The following CACNA2D3 variants were observed in gnomAD, a reference collection of about 807,000 sequenced individuals.
CACNA2D3 encodes the protein voltage-dependent calcium channel subunit alpha-2/delta-3.
In CACNA2D3, 60 loss-of-function variants were observed where a neutral mutation model predicts 160.6. That is an observed-to-expected ratio of 0.37 (90% CI 0.30 to 0.46). CACNA2D3 has a LOEUF of 0.46. Ranked by LOEUF, CACNA2D3 falls within the 20% of genes least tolerant of loss-of-function variation. The pLI is 1.00. For missense variants in CACNA2D3, 1,205 were observed against 1,365.0 expected (o/e 0.88, Z 1.85); for synonymous variants, 558 against 492.9 (o/e 1.13, Z -1.75).
chr3:54,982,609 A>G (rs1014221691), intron 29 of CACNA2D3, among the ~76,000 whole-genome samples: 30 of 152,174 alleles, frequency 2.0e-4, no homozygotes, highest in Admixed American at 1.3e-4. Context: ...AATTCAGGGC[A>G]AGTTTATAAA....
chr3:54,928,624 G>A (rs1009957086), intron 27 of CACNA2D3, among the ~76,000 whole-genome samples: 3 of 152,132 alleles, frequency 2.0e-5, no homozygotes, highest in African/African-American at 7.2e-5. Context: ...GTTTCCTTTA[G>A]TGGACATCAC....
chr3:54,509,089 C>T (rs1701416608), intron 5 of CACNA2D3, among the ~76,000 whole-genome samples: 1 of 152,106 alleles, frequency 6.6e-6, no homozygotes. Context: ...ATGCATTTTG[C>T]CAGGCACTTT....
At chr3:54,480,720 A>G (rs985167784) in intron 4 of CACNA2D3, among the ~76,000 whole-genome samples, 1 of 152,062 alleles carries the variant, frequency 6.6e-6, no homozygotes, top group African/African-American at 2.4e-5. Flanking sequence ...TTTTGGTGGA[A>G]AACATGGGCT....
Position 54,896,853 on chromosome 3 carries a change from C to T in CACNA2D3, c.2351C>T (p.Ser784Leu), listed in dbSNP as rs751135855. The change falls in exon 26 of 38, where the codon TCG becomes TTG. Residue 784 changes from serine to leucine, a missense_variant. Ser to Leu is a moderately radical substitution (Grantham distance 145). This residue lies in a region of CACNA2D3 where 911 missense variants were observed against 1,002.2 expected (regional missense o/e 0.91). Transcript: ENST00000474759. ...CAGATTCCAGGGAGCTTCGTCTACTCGATCCCATTCAGCACTGGTGGGTGC... is the reference window on the plus strand; with the variant it reads ...CAGATTCCAGGGAGCTTCGTCTACTTGATCCCATTCAGCACTGGTGGGTGC... ...AEQIPGSFVY[S>L]IPFSTGPVNK... 7.4e-6 allele frequency: 12 copies of T among 1,613,880 alleles called. No individual in the cohort carries two copies. Among genetic ancestry groups the T allele is most frequent in the African/African-American group, 2.7e-5 (2 of 74,932 alleles).
chr3:54,740,254 A>C (rs769531446), intron 11 of CACNA2D3, among the ~76,000 whole-genome samples: 1 of 152,138 alleles, frequency 6.6e-6, no homozygotes, highest in Admixed American at 6.5e-5. Context: ...TTAAGACACA[A>C]TGATTGCTTA....
chr3:54,462,353 C>A (rs142275977), intron 4 of CACNA2D3, among the ~76,000 whole-genome samples: 1 of 152,150 alleles, frequency 6.6e-6, no homozygotes, highest in Non-Finnish European at 1.5e-5. Flanking sequence ...TCTCGCTGAT[C>A]TGTCTAATGT....
At chr3:54,687,444 C>A (rs9837147) in intron 11 of CACNA2D3, among the ~76,000 whole-genome samples, 6,951 of 151,748 alleles carry the variant, frequency 0.046, 524 homozygotes, top group African/African-American at 0.16. Flanking sequence ...GCCACCATGC[C>A]CGGGCAAATT....
At position 54,949,597 on chromosome 3, in the gene CACNA2D3, C is replaced by T. The variant is rs113489216; in HGVS notation, c.2450-18853C>T. On this transcript the variant is annotated intron_variant, in intron 27 of 37. Transcript: ENST00000474759. ...CATACCCAAGGGGCAGCACTGGAAT[C>T]AGGGCACATTATCAACATTCTCAAG... Among the ~76,000 whole-genome samples the T allele has an allele frequency of 2.9e-3, 448 of 152,294 alleles. 1 individual carries two copies. Among genetic ancestry groups the T allele is most frequent in the African/African-American group, 0.011 (437 of 41,568 alleles).
intron 4 of CACNA2D3, among the ~76,000 whole-genome samples, chr3:54,464,524 C>T (rs1311466631): frequency 6.6e-6 from 1 of 152,212 alleles, no homozygotes; most frequent in Non-Finnish European, 1.5e-5. Flanking sequence ...AGTTTGATCT[C>T]AGAGTGCTGT....
intron 2 of CACNA2D3, among the ~76,000 whole-genome samples, chr3:54,237,167 G>A (rs1389041383): frequency 6.6e-6 from 1 of 152,046 alleles, no homozygotes; most frequent in Non-Finnish European, 1.5e-5. Context: ...ACCTCTTCCA[G>A]TACCCCCTCG....
chr3:54,453,791 A>G (rs1700350503), intron 4 of CACNA2D3, among the ~76,000 whole-genome samples: 1 of 152,192 alleles, frequency 6.6e-6, no homozygotes, highest in East Asian at 1.9e-4. Flanking sequence ...CTGTGTTGTA[A>G]TAATATTTGC....
intron 4 of CACNA2D3, among the ~76,000 whole-genome samples, chr3:54,413,651 A>T (rs1442174059): frequency 6.6e-6 from 1 of 151,070 alleles, no homozygotes; most frequent in Non-Finnish European, 1.5e-5. Flanking sequence ...AAGTTTATTA[A>T]CTTTTTCTTC....
intron 17 of CACNA2D3, among the ~76,000 whole-genome samples, chr3:54,848,490 A>G (rs909840610): frequency 6.6e-6 from 1 of 152,224 alleles, no homozygotes; most frequent in African/African-American, 2.4e-5. Context: ...CAGCTGATCC[A>G]TGACAAGAAC....
At chr3:54,195,315 C>T (rs750835333) in intron 2 of CACNA2D3, among the ~76,000 whole-genome samples, 1 of 152,172 alleles carries the variant, frequency 6.6e-6, no homozygotes, top group Non-Finnish European at 1.5e-5. Flanking sequence ...GCGTCTGTGC[C>T]TTTGCTAGAC....
At chr3:54,256,934 G>A (rs1239334463) in intron 2 of CACNA2D3, among the ~76,000 whole-genome samples, 1 of 152,162 alleles carries the variant, frequency 6.6e-6, no homozygotes, top group African/African-American at 2.4e-5. Context: ...CACTTTTTGG[G>A]TCAGTGCTGG....
chr3:54,517,694 TCTC>T (rs1254966336), intron 5 of CACNA2D3, among the ~76,000 whole-genome samples: 1 of 152,178 alleles, frequency 6.6e-6, no homozygotes, highest in Non-Finnish European at 1.5e-5. Flanking sequence ...TTCTGCCTCT[TCTC>T]TGAGGGGACT....
intron 13 of CACNA2D3, among the ~76,000 whole-genome samples, chr3:54,801,402 G>A (rs778122484): frequency 1.4e-4 from 21 of 152,100 alleles, no homozygotes; most frequent in Non-Finnish European, 2.2e-4. Flanking sequence ...AGAGTATTTG[G>A]ACTGAAATGT....
At chr3:54,225,304 T>C (rs934946139) in intron 2 of CACNA2D3, among the ~76,000 whole-genome samples, 2 of 152,218 alleles carry the variant, frequency 1.3e-5, no homozygotes, top group East Asian at 3.9e-4. Context: ...TATGGCTGCA[T>C]AGTATTCCAT....
chr3:54,709,304 C>T (rs576059212), intron 11 of CACNA2D3, among the ~76,000 whole-genome samples: 70 of 152,014 alleles, frequency 4.6e-4, no homozygotes, highest in Non-Finnish European at 7.5e-4. Flanking sequence ...TGTGAGCCAC[C>T]GCACCCAGCC....
Sources: gnomAD v4.1 joint callset for allele counts (sites outside exome capture counted in the v4.1 genomes callset) on GRCh38, gnomAD v4.1.1 for gene constraint, gnomAD v4.1.1 regional missense constraint, MANE v1.5 for transcripts, NCBI Gene and HGNC (gene_info 2026-07-23, HGNC 2026-07-21) for gene names.